Variants in ZNFX1 observed in about 807,000 individuals in gnomAD.
The protein encoded by ZNFX1 is NFX1-type zinc finger-containing protein 1.
In ZNFX1, 78 loss-of-function variants were observed where a neutral mutation model predicts 179.8. The observed-to-expected ratio is 0.43, with a 90% CI of 0.36 to 0.52. The LOEUF is 0.52. Among genes scored for constraint, ZNFX1 ranks in the 20% least tolerant of loss-of-function variants. ZNFX1 has a pLI of 0.00. For synonymous variants in ZNFX1, 848 were observed against 868.5 expected (o/e 0.98, Z 0.42); for missense variants, 1,927 against 2,386.6 (o/e 0.81, Z 4.01).
rs781097321 is a variant in ZNFX1, at chr20:49,263,289, T to A, written c.2301+45A>T. On this transcript the variant is annotated intron_variant, in intron 6 of 13. Coordinates refer to ENST00000396105, the MANE Select transcript of ZNFX1 (RefSeq NM_021035.3). ...GCTTCTCCTGGAGGCTACCTCAAAGTACTGAGGCCAGAGACATATTTGTGT... is the reference window on the plus strand; with the variant it reads ...GCTTCTCCTGGAGGCTACCTCAAAGAACTGAGGCCAGAGACATATTTGTGT... 1.9e-6 allele frequency: 3 copies of A among 1,600,532 alleles called. No homozygotes were observed. The East Asian group carries it at 6.7e-5, about 36-fold the overall frequency.
chr20:49,275,651 C>T, intron 2 of ZNFX1, 128 bp downstream of exon 2: 2 of 912,114 alleles, frequency 2.2e-6, no homozygotes, highest in African/African-American at 1.7e-5. Context: ...GCCACTGCAT[C>T]CAGCCATAGT....
intron 1 of ZNFX1, among the ~76,000 whole-genome samples, chr20:49,276,579 AT>A (rs1159933244): frequency 6.6e-6 from 1 of 152,188 alleles, no homozygotes. Context: ...TACCTTGGTG[AT>A]TTTTGACACT....
intron 6 of ZNFX1, among the ~76,000 whole-genome samples, chr20:49,261,581 A>G (rs1981111693): frequency 6.6e-6 from 1 of 152,070 alleles, no homozygotes; most frequent in Non-Finnish European, 1.5e-5. Flanking sequence ...GGAGAGGAGC[A>G]GGAAAAATAA....
At chr20:49,260,620 C>T (rs370669333) in intron 6 of ZNFX1, 43 bp from the exon 7 acceptor site, 3 of 1,422,706 alleles carry the variant, frequency 2.1e-6, no homozygotes, top group African/African-American at 2.8e-5. Context: ...TCTATGACAA[C>T]CAATGTGAAG....
chr20:49,249,550 A>T lies in ZNFX1; in HGVS notation c.3474T>A (p.Thr1158=), dbSNP rs766957634. ...EYLPSQITIL[T]TYTGQLFCLR... ...GGCAGAAGAGCTGCCCGGTATAGGT[A>T]GTGAGGATGGTGATCTGGGAAGGCA... The change falls in exon 14 of 14, where the codon ACT becomes ACA. Residue 1158 remains threonine, a synonymous_variant. Coordinates refer to ENST00000396105, the MANE Select transcript of ZNFX1 (RefSeq NM_021035.3). 1 of 1,614,240 alleles carries T rather than the reference A, an allele frequency of 6.2e-7. No individual in the cohort carries two copies. Among genetic ancestry groups the T allele is most frequent in the Non-Finnish European group, 8.5e-7 (1 of 1,180,038 alleles).
chr20:49,251,477 T>C, intron 13 of ZNFX1, 50 bp downstream of exon 13: 1 of 1,552,772 alleles, frequency 6.4e-7, no homozygotes, highest in South Asian at 1.1e-5. Context: ...AATTATAGCC[T>C]TTTTAGGTTG....
At position 49,270,787 on chromosome 20, in the gene ZNFX1, T is replaced by C; in HGVS notation, c.1025A>G (p.Tyr342Cys). ...SYRTMPIYPT[Y>C]NEVHLDERPF... The stretch of plus-strand genomic sequence containing the variant: ...CCTCTCATCCAAGTGCACTTCATTG[T>C]AGGTAGGGTAAATGGGCATGGTTCG... Residue 342 changes from tyrosine to cysteine, a missense_variant, in exon 3 of 14, where the codon TAC (tyrosine) becomes TGC (cysteine). Physicochemically the swap from Tyr to Cys is radical, Grantham distance 194 (BLOSUM62 -2). Coordinates refer to ENST00000396105, the MANE Select transcript of ZNFX1 (RefSeq NM_021035.3). The surrounding 1 kb of genome is among the most constrained non-coding windows in gnomAD (Gnocchi z 4.6). The C allele has an allele frequency of 6.2e-7, 1 of 1,614,168 alleles. No individual in the cohort carries two copies. Among genetic ancestry groups the C allele is most frequent in the Non-Finnish European group, 8.5e-7 (1 of 1,180,036 alleles).
intron 2 of ZNFX1, among the ~76,000 whole-genome samples, chr20:49,273,923 C>T (rs1399950055): frequency 6.6e-6 from 1 of 152,202 alleles, no homozygotes; most frequent in African/African-American, 2.4e-5. Context: ...GAGCAAGACC[C>T]TGTCTCAAAA....
At chr20:49,262,360 C>T (rs1458438834) in intron 6 of ZNFX1, among the ~76,000 whole-genome samples, 8 of 147,406 alleles carry the variant, frequency 5.4e-5, no homozygotes, top group African/African-American at 1.3e-4. Flanking sequence ...AAGCCAAGAT[C>T]GCGCCATTGC....
chr20:49,268,321 G>A (rs1037674558), intron 3 of ZNFX1, among the ~76,000 whole-genome samples: 3 of 152,088 alleles, frequency 2.0e-5, no homozygotes, highest in Non-Finnish European at 4.4e-5. Context: ...ATATAAAATT[G>A]AACCAATTAT....
chr20:49,252,862 A>G (rs1164584859), intron 11 of ZNFX1, 32 bp from the exon 12 acceptor site: 1 of 1,530,098 alleles, frequency 6.5e-7, no homozygotes, highest in East Asian at 2.2e-5. Context: ...AGGATTCTCT[A>G]CTGATAAAGT....
At chr20:49,268,294 C>T (rs1351572985) in intron 3 of ZNFX1, among the ~76,000 whole-genome samples, 8 of 152,190 alleles carry the variant, frequency 5.3e-5, no homozygotes, top group Admixed American at 3.9e-4. Flanking sequence ...ATATTTGATA[C>T]TATTTAATTT....
intron 6 of ZNFX1, among the ~76,000 whole-genome samples, chr20:49,262,324 T>C (rs537490408): frequency 5.3e-5 from 8 of 150,296 alleles, no homozygotes; most frequent in African/African-American, 2.0e-4. Context: ...GAGAATCGCT[T>C]GAACCCGGGA....
At position 49,254,652 on chromosome 20, in the gene ZNFX1, G is replaced by A; in HGVS notation, c.2805-3C>T. 1 of 1,612,762 alleles carries A rather than the reference G, an allele frequency of 6.2e-7. No individual in the cohort carries two copies. ...CCTGGTACAACTGTAGCCAGAGCCT[G>A]GAGAATGGGAAGAACCAAGGAAAGA... On this transcript the variant is annotated splice_region_variant and splice_polypyrimidine_tract_variant and intron_variant, in intron 9 of 13. Transcript: ENST00000396105.
intron 9 of ZNFX1, 104 bp from the exon 10 acceptor site, chr20:49,254,753 GGA>G (rs1980927807): frequency 8.1e-7 from 1 of 1,238,962 alleles, no homozygotes; most frequent in East Asian, 2.3e-5. Context: ...TTGGACCCTT[GGA>G]GCATAGTGAC....
At chr20:49,254,417 C>T (rs969987118) in intron 10 of ZNFX1, 78 bp downstream of exon 10, 1 of 1,547,852 alleles carries the variant, frequency 6.5e-7, no homozygotes. Context: ...AAAGAAGCTC[C>T]TCTTTACCTG....
intron 6 of ZNFX1, among the ~76,000 whole-genome samples, chr20:49,260,846 T>G (rs186916877): frequency 6.6e-6 from 1 of 152,042 alleles, no homozygotes; most frequent in African/African-American, 2.4e-5. Context: ...TTTGGGAGGC[T>G]GAGGCAGGCG....
At chr20:49,275,682 C>A (rs758881872) in intron 2 of ZNFX1, 97 bp downstream of exon 2, 64 of 1,155,914 alleles carry the variant, frequency 5.5e-5, no homozygotes, top group Middle Eastern at 4.8e-4. Context: ...TTGAGAGATG[C>A]AGACAATCTT....
At chr20:49,272,454 G>A (rs1259611424) in intron 2 of ZNFX1, among the ~76,000 whole-genome samples, 2 of 152,114 alleles carry the variant, frequency 1.3e-5, no homozygotes, top group Admixed American at 6.5e-5. Flanking sequence ...GAAGTGCTGG[G>A]ATTACAGGCG....
Sources: allele counts gnomAD v4.1 joint callset (sites outside exome capture counted in the v4.1 genomes callset), GRCh38; gene constraint gnomAD v4.1.1; non-coding constraint Gnocchi (gnomAD v3.1); transcripts MANE v1.5; gene names NCBI Gene and HGNC (gene_info 2026-07-23, HGNC 2026-07-21).